The following PLCG2 variants were observed in gnomAD, a reference collection of about 807,000 sequenced individuals.
The protein encoded by PLCG2 is phospholipase C gamma 2.
Under a neutral mutation model 175.6 loss-of-function variants are expected in PLCG2, and 69 were observed. The ratio of observed to expected loss-of-function variants is 0.39; its 90% CI spans 0.32 to 0.48. The LOEUF is 0.48. Among genes scored for constraint, PLCG2 ranks in the 20% least tolerant of loss-of-function variants. The probability of loss-of-function intolerance (pLI) is 0.91; values close to 1 mark genes in which losing one functional copy is unlikely to be tolerated. For synonymous variants in PLCG2, 827 were observed against 624.0 expected, an observed-to-expected ratio of 1.33 and a Z score of -4.85; for missense variants, 1,798 against 1,650.9, an observed-to-expected ratio of 1.09 and a Z score of -1.54.
intron 20 of PLCG2, among the ~76,000 whole-genome samples, chr16:81,920,067 G>A (rs1205537703): frequency 6.6e-6 from 1 of 152,208 alleles, no homozygotes; most frequent in Non-Finnish European, 1.5e-5. Context: ...TCCTGAGGTA[G>A]AAGCCTGCCT....
intron 1 of PLCG2, among the ~76,000 whole-genome samples, chr16:81,784,024 C>T (rs973452413): frequency 2.6e-5 from 4 of 152,146 alleles, no homozygotes; most frequent in Admixed American, 6.5e-5. Flanking sequence ...GCTCTCTGCC[C>T]GCCGTGCCCC....
chr16:81,811,253 C>T (rs1033867971), intron 2 of PLCG2, among the ~76,000 whole-genome samples: 1 of 152,126 alleles, frequency 6.6e-6, no homozygotes, highest in African/African-American at 2.4e-5. Context: ...ACCGGTGGTA[C>T]CTTCCTCGTG....
At chr16:81,931,248 G>C in intron 24 of PLCG2, 1 of 349,938 alleles carries the variant, frequency 2.9e-6, no homozygotes, top group Non-Finnish European at 5.2e-6. Flanking sequence ...GACCCTATAA[G>C]GTCCCATTCA....
At chr16:81,859,361 A>G (rs1054689155) in intron 5 of PLCG2, 198 bp downstream of exon 5, 14 of 539,700 alleles carry the variant, frequency 2.6e-5, no homozygotes, top group Non-Finnish European at 4.0e-5. Flanking sequence ...TATTCCGCAG[A>G]AAATTCAAGT....
At chr16:81,939,602 GCAAA>G (rs58793678) in intron 29 of PLCG2, among the ~76,000 whole-genome samples, 28,237 of 151,856 alleles carry the variant, frequency 0.19, 2,994 homozygotes, top group African/African-American at 0.3. Flanking sequence ...TTCCTGCTCT[GCAAA>G]CAAACACCTC....
At chr16:81,815,745 G>C (rs543355016) in intron 2 of PLCG2, among the ~76,000 whole-genome samples, 1 of 152,260 alleles carries the variant, frequency 6.6e-6, no homozygotes, top group Non-Finnish European at 1.5e-5. Context: ...ACCTTTGTAG[G>C]TCTTAAGTGC....
chr16:81,750,971 CT>C (rs34518159), intron 1 of PLCG2, among the ~76,000 whole-genome samples: 9,599 of 41,714 alleles, frequency 0.23, 543 homozygotes, highest in Non-Finnish European at 0.31. Context: ...CCGCACCCAG[CT>C]TTTTTTTTTT....
upstream of PLCG2, among the ~76,000 whole-genome samples, chr16:81,775,366 A>T (rs1910376535): frequency 1.3e-5 from 2 of 152,220 alleles, no homozygotes; most frequent in Non-Finnish European, 2.9e-5. Flanking sequence ...GTGGCTGAGC[A>T]GCCCACAGCC....
At chr16:81,853,925 T>G (rs563180199) in intron 2 of PLCG2, among the ~76,000 whole-genome samples, 1 of 152,228 alleles carries the variant, frequency 6.6e-6, no homozygotes, top group South Asian at 2.1e-4. Flanking sequence ...TATTATTATT[T>G]TTAATTTGAA....
intron 9 of PLCG2, among the ~76,000 whole-genome samples, chr16:81,887,363 C>A (rs1323648047): frequency 2.0e-5 from 3 of 152,182 alleles, no homozygotes; most frequent in Non-Finnish European, 4.4e-5. Flanking sequence ...TCATGATCCG[C>A]CCACCTCGGC....
At chr16:81,854,298 AC>A (rs1209651286) in intron 2 of PLCG2, 145 bp from the exon 3 acceptor site, 1 of 710,908 alleles carries the variant, frequency 1.4e-6, no homozygotes, top group Non-Finnish European at 2.5e-6. Context: ...GAAGGAGGGG[AC>A]ACTGAGTCCA....
intron 2 of PLCG2, among the ~76,000 whole-genome samples, chr16:81,792,801 A>G (rs1292498906): frequency 2.0e-5 from 3 of 152,094 alleles, no homozygotes; most frequent in Non-Finnish European, 2.9e-5. Flanking sequence ...GGTCCCTCCT[A>G]TGACACATGA....
chr16:81,868,150 AC>A (rs1181972990), intron 5 of PLCG2, among the ~76,000 whole-genome samples: 3 of 152,094 alleles, frequency 2.0e-5, no homozygotes, highest in Non-Finnish European at 4.4e-5. Flanking sequence ...CCCATGTGAC[AC>A]CCCACCCTTG....
intron 2 of PLCG2, among the ~76,000 whole-genome samples, chr16:81,768,969 T>C (rs981385362): frequency 6.6e-6 from 1 of 152,190 alleles, no homozygotes; most frequent in Non-Finnish European, 1.5e-5. Flanking sequence ...AGAGAATAAA[T>C]CTTTCATCTC....
rs190832444 is a variant in PLCG2, at chr16:81,881,214, G to A, written c.692+261G>A. ...GTGTGCCTCAGGGCCTCCTTTCCCC[G>A]AATGTGCCTCATGAGATGTGACAGG... On this transcript the variant is annotated intron_variant, in intron 8 of 32. Coordinates refer to ENST00000564138, the MANE Select transcript of PLCG2 (RefSeq NM_002661.5). 5.3e-5 allele frequency among the ~76,000 whole-genome samples: 8 copies of A among 152,234 alleles called. No homozygotes were observed. The South Asian group carries it at 6.2e-4, about 12-fold the overall frequency.
intron 10 of PLCG2, among the ~76,000 whole-genome samples, chr16:81,889,987 C>T (rs940262281): frequency 1.3e-5 from 2 of 151,692 alleles, no homozygotes; most frequent in Non-Finnish European, 2.9e-5. Flanking sequence ...GATTGTTTGG[C>T]GGGCCAGGGA....
chr16:81,752,655 G>A (rs1374450920), intron 1 of PLCG2, among the ~76,000 whole-genome samples: 1 of 152,222 alleles, frequency 6.6e-6, no homozygotes, highest in African/African-American at 2.4e-5. Context: ...CAGAATCACT[G>A]ACCCTGAGGC....
At position 81,786,135 on chromosome 16, in the gene PLCG2, C is replaced by G; in HGVS notation, c.146C>G (p.Thr49Arg). ...AGAACCGTCCAGGTGATCATGGAGA[C>G]GCGGCAGGTGGCCTGGAGCAAGACC... The part of the protein sequence containing the change: ...ERRTVQVIME[T>R]RQVAWSKTAD... The change falls in exon 2 of 33, where the codon ACG becomes AGG. Residue 49 changes from threonine (T) to arginine (R), a missense_variant. Thr to Arg is a moderately conservative substitution (Grantham distance 71, BLOSUM62 -1). Transcript: ENST00000564138. 1 of 1,614,204 alleles carries G rather than the reference C, an allele frequency of 6.2e-7. No individual in the cohort carries two copies. Among genetic ancestry groups the G allele is most frequent in the Non-Finnish European group, 8.5e-7 (1 of 1,180,042 alleles).
At chr16:81,904,458 G>A (rs1439323379) in intron 14 of PLCG2, among the ~76,000 whole-genome samples, 2 of 152,230 alleles carry the variant, frequency 1.3e-5, no homozygotes, top group Non-Finnish European at 2.9e-5. Flanking sequence ...TCTTGCAGAT[G>A]AGAAGCCTGA....
Sources: allele counts gnomAD v4.1 joint callset (sites outside exome capture counted in the v4.1 genomes callset), GRCh38; gene constraint gnomAD v4.1.1; transcripts MANE v1.5; gene names NCBI Gene and HGNC (gene_info 2026-07-23, HGNC 2026-07-21).